The following TBC1D19 variants were observed in gnomAD, a reference collection of about 807,000 sequenced individuals.
TBC1D19 encodes TBC1 domain family, member 19.
Under a neutral mutation model 89.0 loss-of-function variants are expected in TBC1D19, and 60 were observed. The observed-to-expected ratio is 0.67, with a 90% CI of 0.55 to 0.84. The LOEUF is 0.84. TBC1D19 is among the 40% of genes least tolerant of loss of function. The probability of loss-of-function intolerance (pLI) is 0.00; values close to 1 mark genes in which losing one functional copy is unlikely to be tolerated. For synonymous variants in TBC1D19, 189 were observed against 199.7 expected, an observed-to-expected ratio of 0.95 and a Z score of 0.45; for missense variants, 500 against 610.8, an observed-to-expected ratio of 0.82 and a Z score of 1.91.
chr4:26,821,836 G>T, the TBC1D19 span, among the ~76,000 whole-genome samples: 1 of 152,218 alleles, frequency 6.6e-6, no homozygotes, highest in African/African-American at 2.4e-5. Context: ...GACCTCTGGT[G>T]GCCAGGCGGA....
chr4:26,693,653 C>G (rs1047636874), intron 13 of TBC1D19, among the ~76,000 whole-genome samples: 1 of 150,996 alleles, frequency 6.6e-6, no homozygotes, highest in Non-Finnish European at 1.5e-5. Context: ...TGTGGTTATG[C>G]CATTACACTC....
the TBC1D19 span, among the ~76,000 whole-genome samples, chr4:26,814,995 T>C: frequency 6.6e-6 from 1 of 151,780 alleles, no homozygotes; most frequent in African/African-American, 2.4e-5. Flanking sequence ...GCACTCCAGC[T>C]TGGGTGACAG....
chr4:26,752,358 G>C (rs6831895), intron 19 of TBC1D19, among the ~76,000 whole-genome samples: 126,480 of 150,942 alleles, frequency 0.84, 57,403 homozygotes, highest in Non-Finnish European at 1. Flanking sequence ...AATCCTCTGC[G>C]TCAGCCTCCT....
intron 13 of TBC1D19, among the ~76,000 whole-genome samples, chr4:26,707,286 A>G (rs1319979763): frequency 1.3e-5 from 2 of 151,918 alleles, no homozygotes; most frequent in Admixed American, 1.3e-4. Context: ...GTTAATATAT[A>G]ATGTCTTTCT....
chr4:26,785,670 C>T, the TBC1D19 span, among the ~76,000 whole-genome samples: 2 of 152,126 alleles, frequency 1.3e-5, no homozygotes, highest in African/African-American at 2.4e-5. Flanking sequence ...GGGACCACGG[C>T]ATTGCATGCA....
intron 10 of TBC1D19, 115 bp downstream of exon 10, chr4:26,672,302 A>C: frequency 2.4e-6 from 2 of 821,992 alleles, no homozygotes; most frequent in Non-Finnish European, 3.4e-6. Flanking sequence ...AAAAACCTAA[A>C]GAGGGGTAAT....
the TBC1D19 span, among the ~76,000 whole-genome samples, chr4:26,769,554 T>G: frequency 6.6e-6 from 1 of 151,978 alleles, no homozygotes; most frequent in South Asian, 2.1e-4. Context: ...GGTTCTTTTT[T>G]TTTTTTGAGA....
chr4:26,742,612 C>T lies in TBC1D19; in HGVS notation c.1319+13C>T, dbSNP rs770899747. 1.9e-6 allele frequency: 3 copies of T among 1,602,738 alleles called. No individual in the cohort carries two copies. The stretch of plus-strand genomic sequence containing the variant: ...TTGGGGCTCAACCGTGAGTACTTTT[C>T]TCTCCTAATTGAAGAATAGATAGTT... On this transcript the variant is annotated intron_variant, in intron 18 of 20. Coordinates refer to ENST00000264866, the MANE Select transcript of TBC1D19 (RefSeq NM_018317.4).
At chr4:26,690,339 C>T (rs994660740) in intron 13 of TBC1D19, among the ~76,000 whole-genome samples, 7 of 152,116 alleles carry the variant, frequency 4.6e-5, no homozygotes, top group East Asian at 1.9e-4. Context: ...GCAAATTGTC[C>T]CTGTCTAGCA....
chr4:26,743,742 A>C (rs1402106026), intron 18 of TBC1D19, among the ~76,000 whole-genome samples: 1 of 151,876 alleles, frequency 6.6e-6, no homozygotes, highest in Non-Finnish European at 1.5e-5. Context: ...AATTCTATTC[A>C]TGATTCAGAA....
intron 13 of TBC1D19, among the ~76,000 whole-genome samples, chr4:26,697,687 G>C (rs1263525449): frequency 6.6e-6 from 1 of 152,074 alleles, no homozygotes; most frequent in Non-Finnish European, 1.5e-5. Flanking sequence ...TTCATCCCTG[G>C]GATGCAAGAC....
intron 9 of TBC1D19, among the ~76,000 whole-genome samples, chr4:26,669,493 A>C (rs1304319299): frequency 6.6e-6 from 1 of 151,812 alleles, no homozygotes; most frequent in African/African-American, 2.4e-5. Context: ...CACTCTGAAA[A>C]ACACAGAATT....
At chr4:26,716,095 C>G (rs1034420698) in intron 13 of TBC1D19, among the ~76,000 whole-genome samples, 2 of 152,120 alleles carry the variant, frequency 1.3e-5, no homozygotes, top group African/African-American at 4.8e-5. Context: ...ACCTAATACA[C>G]TATATAATGT....
At chr4:26,651,747 A>G (rs775075660) in intron 7 of TBC1D19, among the ~76,000 whole-genome samples, 18 of 152,138 alleles carry the variant, frequency 1.2e-4, no homozygotes, top group Non-Finnish European at 2.4e-4. Context: ...TTTCAACGCT[A>G]TGTTGAATAG....
the TBC1D19 span, among the ~76,000 whole-genome samples, chr4:26,808,490 T>TA: frequency 6.6e-6 from 1 of 152,096 alleles, no homozygotes; most frequent in East Asian, 1.9e-4. Context: ...CCCAGCACTT[T>TA]GGAGGCCAAG....
intron 13 of TBC1D19, among the ~76,000 whole-genome samples, chr4:26,689,602 TAAC>T (rs1714104541): frequency 6.6e-6 from 1 of 152,210 alleles, no homozygotes; most frequent in South Asian, 2.1e-4. Flanking sequence ...TGGTAATTCT[TAAC>T]AATATTTCAA....
chr4:26,685,267 C>G (rs1239806466), intron 12 of TBC1D19, among the ~76,000 whole-genome samples: 2 of 152,218 alleles, frequency 1.3e-5, no homozygotes, highest in Admixed American at 1.3e-4. Context: ...GCGTGCCTCT[C>G]TCAAGAGGAA....
the TBC1D19 span, among the ~76,000 whole-genome samples, chr4:26,839,548 G>T: frequency 6.7e-5 from 10 of 150,376 alleles, no homozygotes; most frequent in Non-Finnish European, 7.4e-5. Context: ...GGATAGCAGG[G>T]TGGGTTCAAT....
downstream of TBC1D19, among the ~76,000 whole-genome samples, chr4:26,756,571 A>G (rs965603904): frequency 2.6e-5 from 4 of 152,186 alleles, no homozygotes; most frequent in African/African-American, 7.2e-5. Flanking sequence ...AACAAATGGT[A>G]GGAACTTATT....
Sources: gnomAD v4.1 joint callset for allele counts (sites outside exome capture counted in the v4.1 genomes callset) on GRCh38, gnomAD v4.1.1 for gene constraint, MANE v1.5 for transcripts, NCBI Gene and HGNC (gene_info 2026-07-23, HGNC 2026-07-21) for gene names.